Variants in CPS1 observed in about 807,000 individuals in gnomAD.
The protein encoded by CPS1 is carbamoyl-phosphate synthase [ammonia], mitochondrial.
In CPS1, 109 loss-of-function variants were observed where a neutral mutation model predicts 174.6. The ratio of observed to expected loss-of-function variants is 0.62; its 90% CI spans 0.53 to 0.73. CPS1 has a LOEUF of 0.73. Ranked by LOEUF, CPS1 falls within the 30% of genes least tolerant of loss-of-function variation. The pLI is 0.00. For synonymous variants in CPS1, 637 were observed against 632.0 expected, an observed-to-expected ratio of 1.01 and a Z score of -0.12; for missense variants, 1,689 against 1,821.9, an observed-to-expected ratio of 0.93 and a Z score of 1.33.
Position 210,674,959 on chromosome 2 carries a change from A to G in CPS1, c.4159A>G (p.Lys1387Glu). The G allele has an allele frequency of 6.2e-7, 1 of 1,610,066 alleles. No individual in the cohort carries two copies. Among genetic ancestry groups the G allele is most frequent in the South Asian group, 1.1e-5 (1 of 91,002 alleles). ...TGAACAATTACACAATGAAGGTTTCAAGGTATGTTCATTAGTTTTAAGTTG... is the reference window on the plus strand; with the variant it reads ...TGAACAATTACACAATGAAGGTTTCGAGGTATGTTCATTAGTTTTAAGTTG... ...VAEQLHNEGF[K>E]LFATEATSDW... is the part of the protein sequence containing the mutation. The change falls in exon 35 of 38, where the codon AAG becomes GAG. Residue 1387 changes from lysine (K) to glutamate (E), a missense_variant and splice_region_variant. Physicochemically the swap from Lys to Glu is moderately conservative, Grantham distance 56. Transcript: ENST00000233072.
intron 7 of CPS1, among the ~76,000 whole-genome samples, chr2:210,588,863 AT>A (rs1223925177): frequency 1.3e-5 from 2 of 152,134 alleles, no homozygotes; most frequent in African/African-American, 4.8e-5. Flanking sequence ...TGTCAATTTT[AT>A]TAACAAACAT....
intron 5 of CPS1, among the ~76,000 whole-genome samples, chr2:210,582,289 G>A (rs916284214): frequency 9.2e-5 from 14 of 151,622 alleles, no homozygotes; most frequent in Non-Finnish European, 1.5e-4. Flanking sequence ...GGTCATATAC[G>A]CTGAGTAGTG....
At chr2:210,649,508 G>T (rs1301483520) in intron 27 of CPS1, among the ~76,000 whole-genome samples, 1 of 152,278 alleles carries the variant, frequency 6.6e-6, no homozygotes, top group Non-Finnish European at 1.5e-5. Context: ...GGATAAACTG[G>T]TGAGGTGATG....
intron 1 of CPS1, among the ~76,000 whole-genome samples, chr2:210,489,497 C>T (rs112045083): frequency 3.2e-4 from 49 of 152,138 alleles, no homozygotes; most frequent in African/African-American, 1.1e-3. Flanking sequence ...AGAAACAGAG[C>T]TGGTCTAGTT....
chr2:210,645,141 T>C (rs894353835), intron 25 of CPS1, among the ~76,000 whole-genome samples: 1 of 152,150 alleles, frequency 6.6e-6, no homozygotes, highest in African/African-American at 2.4e-5. Context: ...AACTGTGCTA[T>C]ATTAACATTT....
At chr2:210,659,982 A>T (rs929276196) in intron 31 of CPS1, among the ~76,000 whole-genome samples, 1 of 152,190 alleles carries the variant, frequency 6.6e-6, no homozygotes, top group Admixed American at 6.5e-5. Flanking sequence ...TAGATAGAAC[A>T]TCATCTGTAA....
At chr2:210,572,915 T>G (rs776433338) in intron 1 of CPS1, among the ~76,000 whole-genome samples, 2 of 152,048 alleles carry the variant, frequency 1.3e-5, no homozygotes, top group Non-Finnish European at 2.9e-5. Flanking sequence ...ACAATGTTTT[T>G]GCAAACTCAT....
upstream of CPS1, among the ~76,000 whole-genome samples, chr2:210,552,105 A>G (rs544317529): frequency 2.0e-5 from 3 of 152,014 alleles, no homozygotes; most frequent in South Asian, 2.1e-4. Flanking sequence ...ACTGAACCCA[A>G]TTACTTCTAC....
chr2:210,556,062 A>G (rs910119758), upstream of CPS1, among the ~76,000 whole-genome samples: 1 of 152,040 alleles, frequency 6.6e-6, no homozygotes, highest in African/African-American at 2.4e-5. Context: ...GAACAATGCT[A>G]TAGTAAGAAT....
At chr2:210,587,294 G>T (rs949640742) in intron 6 of CPS1, among the ~76,000 whole-genome samples, 1 of 152,078 alleles carries the variant, frequency 6.6e-6, no homozygotes, top group East Asian at 1.9e-4. Context: ...AATTCATAGC[G>T]TGCTAGCTAA....
intron 1 of CPS1, 87 bp from the exon 2 acceptor site, chr2:210,573,211 T>G (rs1264710816): frequency 1.7e-6 from 2 of 1,162,702 alleles, no homozygotes; most frequent in Non-Finnish European, 2.6e-6. Context: ...TGCCTTTATT[T>G]AATATGTCTG....
Position 210,674,964 on chromosome 2 carries a change from A to T in CPS1, c.4161+3A>T. On this transcript the variant is annotated splice_donor_region_variant and intron_variant, in intron 35 of 37. Coordinates refer to ENST00000233072, the MANE Select transcript of CPS1 (RefSeq NM_001875.5). Reference sequence around the variant, plus strand: ...AATTACACAATGAAGGTTTCAAGGTATGTTCATTAGTTTTAAGTTGTTTTC... The same window carrying T: ...AATTACACAATGAAGGTTTCAAGGTTTGTTCATTAGTTTTAAGTTGTTTTC... 1 of 1,608,400 alleles carries T rather than the reference A, an allele frequency of 6.2e-7. No homozygotes were observed. The highest frequency in any genetic ancestry group is 8.5e-7 in the Non-Finnish European group (1 of 1,174,836).
intron 34 of CPS1, among the ~76,000 whole-genome samples, chr2:210,669,926 A>G (rs1305540771): frequency 1.3e-5 from 2 of 152,098 alleles, no homozygotes; most frequent in Non-Finnish European, 2.9e-5. Context: ...TGATGTATAA[A>G]ATTGTGCCTT....
At chr2:210,648,729 G>A (rs1044925050) in intron 27 of CPS1, among the ~76,000 whole-genome samples, 189 bp downstream of exon 27, 1 of 152,182 alleles carries the variant, frequency 6.6e-6, no homozygotes, top group Non-Finnish European at 1.5e-5. Context: ...CCTTCAGGGA[G>A]TGGCCATAGG....
intron 1 of CPS1, among the ~76,000 whole-genome samples, chr2:210,487,630 G>A (rs552898341): frequency 1.3e-5 from 2 of 152,194 alleles, no homozygotes; most frequent in South Asian, 2.1e-4. Context: ...GTATTCTTCC[G>A]ATGACTTGAT....
chr2:210,586,668 A>G (rs1698120749), intron 6 of CPS1, among the ~76,000 whole-genome samples: 1 of 152,068 alleles, frequency 6.6e-6, no homozygotes, highest in Non-Finnish European at 1.5e-5. Context: ...ACAGTATTTA[A>G]TGTGTTTGTG....
intron 1 of CPS1, among the ~76,000 whole-genome samples, chr2:210,483,218 A>G (rs539109568): frequency 1.3e-5 from 2 of 152,170 alleles, no homozygotes; most frequent in African/African-American, 2.4e-5. Flanking sequence ...GTAAAGACTC[A>G]TAAACCTTCC....
chr2:210,612,483 T>G (rs1392279525), intron 20 of CPS1, among the ~76,000 whole-genome samples, 190 bp downstream of exon 20: 1 of 151,946 alleles, frequency 6.6e-6, no homozygotes, highest in Non-Finnish European at 1.5e-5. Flanking sequence ...TAATGATAAA[T>G]TATCATTTTT....
At chr2:210,536,126 T>C (rs143097141) in intron 1 of CPS1, among the ~76,000 whole-genome samples, 127 of 152,262 alleles carry the variant, frequency 8.3e-4, no homozygotes, top group African/African-American at 2.7e-3. Context: ...ATACATGTAT[T>C]AAGTTAAATC....
Sources: allele counts gnomAD v4.1 joint callset (sites outside exome capture counted in the v4.1 genomes callset), GRCh38; gene constraint gnomAD v4.1.1; transcripts MANE v1.5; gene names NCBI Gene and HGNC (gene_info 2026-07-23, HGNC 2026-07-21).